The following APC variants were observed in gnomAD, a reference collection of about 807,000 sequenced individuals.
APC encodes APC regulator of Wnt signaling pathway, also known as adenomatous polyposis coli protein.
A neutral mutation model predicts 247.0 loss-of-function variants in APC; 72 were observed. The observed-to-expected ratio is 0.29, with a 90% CI of 0.24 to 0.35. APC has a LOEUF of 0.35. APC is among the 10% of genes least tolerant of loss of function. The pLI is 1.00. For synonymous variants in APC, 1,254 were observed against 1,162.5 expected (o/e 1.08, Z -1.60); for missense variants, 3,400 against 3,360.7 (o/e 1.01, Z -0.29).
chr5:112,771,632 C>T (rs1006654783), intron 4 of APC, among the ~76,000 whole-genome samples: 2 of 152,090 alleles, frequency 1.3e-5, no homozygotes, highest in Non-Finnish European at 2.9e-5. Flanking sequence ...TGTAGATGGC[C>T]ATTTTTCCTC....
chr5:112,722,262 A>G (rs1751522359), intron 1 of APC, among the ~76,000 whole-genome samples: 2 of 152,232 alleles, frequency 1.3e-5, no homozygotes, highest in South Asian at 4.1e-4. Context: ...TTTCCATACT[A>G]TTATGGCATT....
chr5:112,831,196 A>C (rs918729975), intron 14 of APC, among the ~76,000 whole-genome samples: 11 of 151,792 alleles, frequency 7.2e-5, no homozygotes. Flanking sequence ...GCAACCTCCA[A>C]CTCCCTGGTT....
intron 5 of APC, among the ~76,000 whole-genome samples, chr5:112,778,707 C>T (rs1306143264): frequency 6.6e-6 from 1 of 152,014 alleles, no homozygotes; most frequent in Admixed American, 6.6e-5. Flanking sequence ...CCATGTCCAG[C>T]TAATTTTTTG....
intron 6 of APC, among the ~76,000 whole-genome samples, chr5:112,782,333 A>G (rs530332707): frequency 8.2e-4 from 125 of 152,230 alleles, no homozygotes; most frequent in African/African-American, 2.8e-3. Flanking sequence ...CCCACAACAC[A>G]TGGGAGCTGC....
At chr5:112,767,598 C>A (rs1756501571) in intron 4 of APC, among the ~76,000 whole-genome samples, 1 of 151,976 alleles carries the variant, frequency 6.6e-6, no homozygotes, top group South Asian at 2.1e-4. Flanking sequence ...ATTCTGAAGA[C>A]CTATTTTGTC....
At chr5:112,829,581 T>C (rs1382799956) in intron 14 of APC, 1 of 153,872 alleles carries the variant, frequency 6.5e-6, no homozygotes, top group Non-Finnish European at 1.4e-5. Flanking sequence ...TAGACATTTT[T>C]GACCAGATAA....
chr5:112,825,398 G>T (rs565350309), intron 11 of APC, among the ~76,000 whole-genome samples: 19 of 152,098 alleles, frequency 1.2e-4, no homozygotes, highest in Non-Finnish European at 2.1e-4. Flanking sequence ...CTTTAATGTG[G>T]CACATAAAGT....
intron 1 of APC, among the ~76,000 whole-genome samples, chr5:112,746,244 T>A: frequency 6.6e-6 from 1 of 152,084 alleles, no homozygotes; most frequent in Non-Finnish European, 1.5e-5. Flanking sequence ...TTTAAAAAAA[T>A]CTTAGCTCTA....
chr5:112,763,223 A>C (rs1755862630), intron 2 of APC, among the ~76,000 whole-genome samples: 1 of 149,218 alleles, frequency 6.7e-6, no homozygotes, highest in African/African-American at 2.6e-5. Context: ...AGTGTGGACA[A>C]AAAAAATCAA....
chr5:112,805,388 C>T (rs1761270642), intron 8 of APC, among the ~76,000 whole-genome samples: 1 of 151,980 alleles, frequency 6.6e-6, no homozygotes, highest in South Asian at 2.1e-4. Context: ...AATCAGGGCC[C>T]GGTATTCATT....
intron 8 of APC, among the ~76,000 whole-genome samples, chr5:112,808,747 A>G (rs1914): frequency 1.3e-5 from 2 of 151,924 alleles, no homozygotes; most frequent in African/African-American, 4.8e-5. Flanking sequence ...CATACTCTAG[A>G]TTTTGCTGAT....
intron 4 of APC, among the ~76,000 whole-genome samples, chr5:112,774,158 T>C (rs1757346469): frequency 6.6e-6 from 1 of 151,914 alleles, no homozygotes; most frequent in South Asian, 2.1e-4. Context: ...CAACTAAGAG[T>C]TGGTTGTAGT....
chr5:112,799,039 G>T (rs540092666), intron 7 of APC, among the ~76,000 whole-genome samples: 45 of 152,004 alleles, frequency 3.0e-4, no homozygotes, highest in African/African-American at 1.0e-3. Flanking sequence ...GTGAAACCCT[G>T]TCTCTACTAA....
intron 4 of APC, among the ~76,000 whole-genome samples, chr5:112,771,402 A>G (rs1416347135): frequency 6.6e-6 from 1 of 152,002 alleles, no homozygotes; most frequent in Non-Finnish European, 1.5e-5. Flanking sequence ...CTGTCATACC[A>G]CTGTTGTCAT....
At chr5:112,770,842 A>G (rs1005895343) in intron 4 of APC, among the ~76,000 whole-genome samples, 2 of 152,170 alleles carry the variant, frequency 1.3e-5, no homozygotes, top group African/African-American at 2.4e-5. Flanking sequence ...TCGAATTTGT[A>G]TACATATACA....
chr5:112,726,655 T>A (rs1751799487), intron 1 of APC, among the ~76,000 whole-genome samples: 1 of 152,092 alleles, frequency 6.6e-6, no homozygotes, highest in Non-Finnish European at 1.5e-5. Context: ...GGGCCTTTGC[T>A]GGAGAGCTAC....
rs142598519 is a variant in APC, at chr5:112,720,231, T to C, written c.165+12349T>C. Among the ~76,000 whole-genome samples the C allele has an allele frequency of 3.4e-4, 52 of 152,374 alleles. No homozygotes were observed. In the East Asian group the frequency reaches 9.8e-3, roughly 29 times the overall value. The stretch of plus-strand genomic sequence containing the variant: ...CCATTTCTTTGTGATTAAATTGATG[T>C]GTCTATAAAGAACAAAACCAGCTCT... On this transcript the variant is annotated intron_variant, in intron 1 of 13. Coordinates refer to the APC transcript ENST00000507379.
At chr5:112,749,376 T>G (rs1754040986) in intron 1 of APC, among the ~76,000 whole-genome samples, 1 of 152,184 alleles carries the variant, frequency 6.6e-6, no homozygotes, top group Non-Finnish European at 1.5e-5. Context: ...TGGAATGATT[T>G]GTTCCTTAAA....
At chr5:112,727,971 A>G (rs1416098298) in intron 1 of APC, among the ~76,000 whole-genome samples, 1 of 152,140 alleles carries the variant, frequency 6.6e-6, no homozygotes, top group African/African-American at 2.4e-5. Flanking sequence ...TCAGAATTTT[A>G]TCCCTCCATA....
Sources: gnomAD v4.1 joint callset for allele counts (sites outside exome capture counted in the v4.1 genomes callset) on GRCh38, gnomAD v4.1.1 for gene constraint, MANE v1.5 for transcripts, NCBI Gene and HGNC (gene_info 2026-07-23, HGNC 2026-07-21) for gene names.